Variants in SH3D19 observed in about 807,000 individuals in gnomAD.
The protein encoded by SH3D19 is SH3 domain-containing protein 19.
SH3D19 carries 58 observed loss-of-function variants against 112.1 expected under a neutral mutation model. The ratio of observed to expected loss-of-function variants is 0.52; its 90% CI spans 0.42 to 0.64. The LOEUF (loss-of-function observed/expected upper bound fraction) is 0.64, where lower values mean the gene tolerates loss of function less well. Ranked by LOEUF, SH3D19 falls within the 30% of genes least tolerant of loss-of-function variation. The pLI is 0.00. For synonymous variants in SH3D19, 391 were observed against 448.5 expected, an observed-to-expected ratio of 0.87 and a Z score of 1.62; for missense variants, 1,090 against 1,263.4, an observed-to-expected ratio of 0.86 and a Z score of 2.08.
intron 14 of SH3D19, 121 bp downstream of exon 14, chr4:151,137,611 A>G (rs747707887): frequency 4.5e-5 from 34 of 759,728 alleles, no homozygotes; most frequent in Non-Finnish European, 6.1e-5. Flanking sequence ...AATTTTCCAA[A>G]TGCCAAATGA....
At chr4:151,199,536 A>C (rs1764093458) in intron 2 of SH3D19, among the ~76,000 whole-genome samples, 1 of 152,146 alleles carries the variant, frequency 6.6e-6, no homozygotes, top group Non-Finnish European at 1.5e-5. Flanking sequence ...GGAAATGATA[A>C]AACTCATTTG....
In SH3D19 at chr4:151,279,266, CTA is replaced by C. The variant is rs199931476; in HGVS notation, c.112+45973_112+45974del. ...TTTTTTTTTTAGAGACCTGGTTTCA[CTA>C]TATTGCCCAGGCCTCAAGCAGTTCT... On this transcript the variant is annotated intron_variant, in intron 1 of 19. Coordinates refer to ENST00000604030, the MANE Select transcript of SH3D19 (RefSeq NM_001378122.1). 3.1e-3 allele frequency: 649 copies of C among 212,108 alleles called. 23 individuals are homozygous for C. In the East Asian group the frequency reaches 0.087, roughly 28 times the overall value. The allele number at this position is 212,108 out of a possible 1,614,324, so 13.1% of individuals were successfully genotyped here. A position where few individuals can be genotyped will look rare whatever the true frequency, so the allele number is the denominator to read the frequency against.
intron 1 of SH3D19, among the ~76,000 whole-genome samples, chr4:151,228,430 C>T (rs1476345768): frequency 6.6e-6 from 1 of 152,092 alleles, no homozygotes; most frequent in African/African-American, 2.4e-5. Flanking sequence ...ATTTGGATTT[C>T]ACATTTTGCC....
intron 19 of SH3D19, among the ~76,000 whole-genome samples, chr4:151,123,376 C>A (rs977121832): frequency 6.6e-6 from 1 of 152,184 alleles, no homozygotes; most frequent in Admixed American, 6.5e-5. Flanking sequence ...TTTATCAACA[C>A]CCAGAGCATT....
In SH3D19 at chr4:151,265,823, G is replaced by A. The variant is rs537151053; in HGVS notation, c.113-39737C>T. ...TGGTAATGAACTCCTGACCTCAAGC[G>A]ATCCACCCGCCTCAGCCTTCCAAAG... On this transcript the variant is annotated intron_variant, in intron 1 of 19. Coordinates refer to ENST00000604030, the MANE Select transcript of SH3D19 (RefSeq NM_001378122.1). Among the ~76,000 whole-genome samples the A allele has an allele frequency of 1.2e-4, 18 of 151,984 alleles. No homozygotes were observed. In the East Asian group the frequency reaches 3.3e-3, roughly 28 times the overall value.
At chr4:151,302,948 AT>A (rs969842709) in intron 1 of SH3D19, among the ~76,000 whole-genome samples, 4 of 152,242 alleles carry the variant, frequency 2.6e-5, no homozygotes, top group Admixed American at 2.6e-4. Flanking sequence ...AGCCACCAAC[AT>A]GGCACATGTA....
chr4:151,206,726 G>C (rs531409033), intron 2 of SH3D19, among the ~76,000 whole-genome samples: 8 of 152,214 alleles, frequency 5.3e-5, no homozygotes, highest in Non-Finnish European at 1.2e-4. Flanking sequence ...AAATTAAAGG[G>C]GTTTTTATTA....
intron 1 of SH3D19, among the ~76,000 whole-genome samples, chr4:151,297,821 T>C (rs976786349): frequency 6.6e-6 from 1 of 152,224 alleles, no homozygotes; most frequent in African/African-American, 2.4e-5. Flanking sequence ...GCACATATGA[T>C]TAAGTATCCT....
At chr4:151,227,824 A>G (rs1769240968) in intron 1 of SH3D19, 1 of 985,360 alleles carries the variant, frequency 1.0e-6, no homozygotes, top group Non-Finnish European at 1.2e-6. Context: ...GATCCTAGTT[A>G]CATAGTTTAC....
At position 151,189,453 on chromosome 4, in the gene SH3D19, C is replaced by T. The variant is rs1397586959; in HGVS notation, c.153-1990G>A. 4.6e-5 allele frequency among the ~76,000 whole-genome samples: 7 copies of T among 152,234 alleles called. No individual in the cohort carries two copies. The East Asian group carries it at 9.7e-4, about 21-fold the overall frequency. On this transcript the variant is annotated intron_variant, in intron 2 of 19. Transcript: ENST00000604030. ...TAAGTCACTCAGTGATATGGTTTGG[C>T]TGTGTCCCCACCCAAATTTCATCGT...
At position 151,120,393 on chromosome 4, in the gene SH3D19, A is replaced by G. The variant is rs1416742535; in HGVS notation, c.*1698T>C. ...TGAAGATTGAGATTTTCCTCTAATA[A>G]AGATAGGTTTTCAGAATCTTCAATA... On this transcript the variant is annotated 3_prime_UTR_variant, in exon 20 of 20. Coordinates refer to ENST00000604030, the MANE Select transcript of SH3D19 (RefSeq NM_001378122.1). 6.6e-6 allele frequency: 1 copy of G among 152,590 alleles called. No individual in the cohort carries two copies. Among genetic ancestry groups the G allele is most frequent in the East Asian group, 1.9e-4 (1 of 5,194 alleles). The allele number at this position is 152,590 out of a possible 1,614,324, so 9.5% of individuals were successfully genotyped here. A position where few individuals can be genotyped will look rare whatever the true frequency, so the allele number is the denominator to read the frequency against.
chr4:151,321,943 G>A (rs1426749708), intron 1 of SH3D19, among the ~76,000 whole-genome samples: 2 of 152,134 alleles, frequency 1.3e-5, no homozygotes, highest in African/African-American at 2.4e-5. Flanking sequence ...AAGAATTCAG[G>A]TGTTGTGTCT....
chr4:151,205,124 G>A (rs943993548), intron 2 of SH3D19, among the ~76,000 whole-genome samples: 1 of 152,102 alleles, frequency 6.6e-6, no homozygotes, highest in Non-Finnish European at 1.5e-5. Flanking sequence ...GCCCGGCCAA[G>A]TCTGTTCTTT....
At chr4:151,156,295 A>G (rs908191145) in intron 9 of SH3D19, among the ~76,000 whole-genome samples, 1 of 152,158 alleles carries the variant, frequency 6.6e-6, no homozygotes, top group Non-Finnish European at 1.5e-5. Flanking sequence ...AATACAAATG[A>G]CATTCTTTAC....
chr4:151,132,878 TA>T (rs1281195769), intron 16 of SH3D19, among the ~76,000 whole-genome samples, 155 bp downstream of exon 16: 1 of 152,212 alleles, frequency 6.6e-6, no homozygotes, highest in African/African-American at 2.4e-5. Context: ...TGCCCACAAA[TA>T]ATGTCTATCC....
At chr4:151,300,441 C>T (rs200850626) in intron 1 of SH3D19, 1 of 151,332 alleles carries the variant, frequency 6.6e-6, no homozygotes, top group East Asian at 1.9e-4. Context: ...ATTTTTAAAG[C>T]CATGTAAGCT....
At chr4:151,255,106 G>A (rs538699524) in intron 1 of SH3D19, among the ~76,000 whole-genome samples, 155 of 151,036 alleles carry the variant, frequency 1.0e-3, no homozygotes, top group African/African-American at 3.6e-3. Flanking sequence ...CGGATGGGGC[G>A]GCTGGCCTGG....
chr4:151,228,045 G>T, intron 1 of SH3D19: 1 of 985,330 alleles, frequency 1.0e-6, no homozygotes, highest in African/African-American at 1.7e-5. Flanking sequence ...GCTCTCCTTC[G>T]TTCTTGGTTA....
intron 9 of SH3D19, among the ~76,000 whole-genome samples, chr4:151,158,211 ATTAT>A (rs1476461741): frequency 6.6e-6 from 1 of 152,212 alleles, no homozygotes; most frequent in African/African-American, 2.4e-5. Flanking sequence ...ATGTACAATT[ATTAT>A]TTAAATTTAA....
Sources: allele counts gnomAD v4.1 joint callset (sites outside exome capture counted in the v4.1 genomes callset), GRCh38; gene constraint gnomAD v4.1.1; transcripts MANE v1.5; gene names NCBI Gene and HGNC (gene_info 2026-07-23, HGNC 2026-07-21).